The following TMEM120B variants were observed in gnomAD, a reference collection of about 807,000 sequenced individuals.
TMEM120B encodes the protein transmembrane protein 120B.
Under a neutral mutation model 55.5 loss-of-function variants are expected in TMEM120B, and 31 were observed. That is an observed-to-expected ratio of 0.56 (90% confidence interval 0.42 to 0.75). The LOEUF (loss-of-function observed/expected upper bound fraction) is 0.75. Among genes scored for constraint, TMEM120B ranks in the 30% least tolerant of loss-of-function variants. The pLI is 0.00. For missense variants in TMEM120B, 399 were observed against 425.5 expected (o/e 0.94, Z 0.55); for synonymous variants, 203 against 176.3 (o/e 1.15, Z -1.20).
chr12:121,720,281 C>T (rs2136975335), intron 1 of TMEM120B, among the ~76,000 whole-genome samples: 1 of 152,302 alleles, frequency 6.6e-6, no homozygotes. Flanking sequence ...ACACATGACT[C>T]AGAATCTGTC....
chr12:121,763,312 G>A (rs551525213), intron 6 of TMEM120B, among the ~76,000 whole-genome samples: 24 of 151,806 alleles, frequency 1.6e-4, no homozygotes, highest in Middle Eastern at 3.4e-3. Context: ...ACAGGCGCCC[G>A]CCACCACACC....
chr12:121,763,978 C>T (rs967657716), intron 6 of TMEM120B, among the ~76,000 whole-genome samples: 2 of 152,074 alleles, frequency 1.3e-5, no homozygotes, highest in East Asian at 3.9e-4. Context: ...CTGAGGGCAA[C>T]AGGAAGTTTC....
intron 6 of TMEM120B, among the ~76,000 whole-genome samples, chr12:121,766,791 C>T (rs1174778288): frequency 2.6e-5 from 4 of 152,184 alleles, no homozygotes; most frequent in African/African-American, 4.8e-5. Context: ...GCAAAACAGC[C>T]GATGTCTATT....
Position 121,712,795 on chromosome 12 carries a change from CCGAGGGCGGTCGG to C in TMEM120B, c.-96_-84del, listed in dbSNP as rs1385916196. The C allele has an allele frequency of 1.2e-6, 1 of 860,000 alleles. No individual in the cohort carries two copies. Among genetic ancestry groups the C allele is most frequent in the East Asian group, 3.8e-5 (1 of 26,170 alleles). 53.3% of individuals were successfully genotyped at this position (860,000 alleles called of 1,614,324 possible). A position where few individuals can be genotyped will look rare whatever the true frequency, so the allele number is the denominator to read the frequency against. ...GGCTGCGCAGGAACAGCTGGTGCCT[CCGAGGGCGGTCGG>C]CGAGCGCGCGGGCGTGGGGCGCTGG... On this transcript the variant is annotated 5_prime_UTR_variant, in exon 1 of 12. Transcript: ENST00000449592.
chr12:121,772,715 G>A (rs1045643760), intron 8 of TMEM120B, among the ~76,000 whole-genome samples: 3 of 152,156 alleles, frequency 2.0e-5, no homozygotes, highest in East Asian at 1.9e-4. Flanking sequence ...GAGCCATCAC[G>A]CCTGGCTGTA....
rs564240630 is a variant in TMEM120B at position 121,769,880 on chromosome 12, A to G, written c.552-1027A>G. Among the ~76,000 whole-genome samples, 4 of 152,244 alleles carry G rather than the reference A, an allele frequency of 2.6e-5. 1 individual carries two copies. The East Asian group carries it at 7.7e-4, about 29-fold the overall frequency. On this transcript the variant is annotated intron_variant, in intron 6 of 11. Coordinates refer to ENST00000449592, the MANE Select transcript of TMEM120B (RefSeq NM_001080825.2). ...GAGAGGGGGCAGATCACAGGAAGAA[A>G]GGCACGTAATTGCAGACAGTGATCC...
At position 121,773,357 on chromosome 12, in the gene TMEM120B, G is replaced by C. The variant is rs189858900; in HGVS notation, c.680-64G>C. The C allele has an allele frequency of 6.9e-6, 10 of 1,458,556 alleles. No homozygotes were observed. The African/African-American group carries it at 1.3e-4, about 18-fold the overall frequency. The allele number at this position is 1,458,556 out of a possible 1,614,324, so 90.4% of individuals were successfully genotyped here. ...CCCATCAGCCTGTGCTTGGGGCAGA[G>C]AGGTGTGGCCCTGTCTTCCGGGGAC... On this transcript the variant is annotated intron_variant, in intron 8 of 11. Coordinates refer to ENST00000449592, the MANE Select transcript of TMEM120B (RefSeq NM_001080825.2).
rs1874189368 is a variant in TMEM120B at position 121,775,042 on chromosome 12, G to C, written c.838-20G>C. The C allele has an allele frequency of 6.2e-7, 1 of 1,612,942 alleles. No homozygotes were observed. The highest frequency in any genetic ancestry group is 1.7e-5 in the Admixed American group (1 of 59,940). On this transcript the variant is annotated intron_variant, in intron 10 of 11. Coordinates refer to ENST00000449592, the MANE Select transcript of TMEM120B (RefSeq NM_001080825.2). This position sits in a 1 kb window ranked among gnomAD's most constrained non-coding sequence, Gnocchi z 4.3. ...GCCAGGGGAGTCTGGTGGGTGAGCA[G>C]CGCCTGCCTTCCTCTCCAGTTCTGG...
At chr12:121,773,603 T>C (rs1874135913) in intron 9 of TMEM120B, 90 bp downstream of exon 9, 1 of 985,832 alleles carries the variant, frequency 1.0e-6, no homozygotes, top group Non-Finnish European at 1.5e-6. Context: ...GCACCTCCCA[T>C]ACAGCGGAGC....
At chr12:121,765,628 T>G (rs953801041) in intron 6 of TMEM120B, among the ~76,000 whole-genome samples, 4 of 152,180 alleles carry the variant, frequency 2.6e-5, no homozygotes, top group Non-Finnish European at 4.4e-5. Context: ...AAAGTATTTG[T>G]GTTTTGCAGT....
intron 1 of TMEM120B, among the ~76,000 whole-genome samples, chr12:121,723,030 T>C (rs1894825730): frequency 6.6e-6 from 1 of 151,970 alleles, no homozygotes; most frequent in Admixed American, 6.6e-5. Flanking sequence ...GTATTTGTAG[T>C]AGAGACGGGG....
chr12:121,743,772 CT>C, intron 2 of TMEM120B, 25 bp downstream of exon 2: 1 of 1,558,304 alleles, frequency 6.4e-7, no homozygotes, highest in Non-Finnish European at 8.8e-7. Flanking sequence ...AGCCCGGGGG[CT>C]GCCCTGGTTC....
Position 121,770,864 on chromosome 12 carries a change from G to A in TMEM120B, c.552-43G>A, listed in dbSNP as rs776165930. ...CCTCAGCGAGACACATGCCTGCGTT[G>A]CTCTCCCCTCCTGAGCACTTTCCGT... On this transcript the variant is annotated intron_variant, in intron 6 of 11. Transcript: ENST00000449592. The A allele has an allele frequency of 6.9e-6, 11 of 1,592,540 alleles. No individual in the cohort carries two copies. In the African/African-American group the frequency reaches 1.5e-4, roughly 21 times the overall value.
At position 121,725,052 on chromosome 12, in the gene TMEM120B, G is replaced by T. The variant is rs529412088; in HGVS notation, c.69+12088G>T. On this transcript the variant is annotated intron_variant, in intron 1 of 11. Coordinates refer to ENST00000449592, the MANE Select transcript of TMEM120B (RefSeq NM_001080825.2). The stretch of plus-strand genomic sequence containing the variant: ...ATTTTTCTCTCTTGGATGAATAAGT[G>T]TCTTGGTATTTGATTCCTTACTGCC... Among the ~76,000 whole-genome samples the T allele has an allele frequency of 1.2e-4, 19 of 152,298 alleles. No homozygotes were observed. In the South Asian group the frequency reaches 3.9e-3, roughly 32 times the overall value.
chr12:121,764,721 T>G (rs1366786798), intron 6 of TMEM120B, among the ~76,000 whole-genome samples: 1 of 151,970 alleles, frequency 6.6e-6, no homozygotes, highest in East Asian at 1.9e-4. Context: ...TAAGAGTTAC[T>G]CTGGGCAGCT....
At chr12:121,714,249 T>G (rs1894653209) in intron 1 of TMEM120B, among the ~76,000 whole-genome samples, 1 of 151,904 alleles carries the variant, frequency 6.6e-6, no homozygotes, top group African/African-American at 2.4e-5. Context: ...CAGCCACTTC[T>G]TGTTTTGTTT....
intron 3 of TMEM120B, among the ~76,000 whole-genome samples, chr12:121,749,311 G>A (rs566374675): frequency 6.6e-6 from 1 of 152,204 alleles, no homozygotes; most frequent in South Asian, 2.1e-4. Flanking sequence ...ATGCGTGTCT[G>A]CCTTCCTGCC....
At chr12:121,724,953 C>T (rs998978593) in intron 1 of TMEM120B, among the ~76,000 whole-genome samples, 1 of 152,152 alleles carries the variant, frequency 6.6e-6, no homozygotes, top group Non-Finnish European at 1.5e-5. Flanking sequence ...CTATAGGCTC[C>T]ATGTCAGTCA....
At chr12:121,769,738 A>G (rs878987262) in intron 6 of TMEM120B, among the ~76,000 whole-genome samples, 6 of 44,578 alleles carry the variant, frequency 1.3e-4, no homozygotes, top group South Asian at 1.1e-3. Flanking sequence ...GTGTGTGTGT[A>G]CATGCATGCT....
Sources: gnomAD v4.1 joint callset for allele counts (sites outside exome capture counted in the v4.1 genomes callset) on GRCh38, gnomAD v4.1.1 for gene constraint, Gnocchi (gnomAD v3.1) non-coding constraint, MANE v1.5 for transcripts, NCBI Gene and HGNC (gene_info 2026-07-23, HGNC 2026-07-21) for gene names.